The following RARS2 variants were observed in gnomAD, a reference collection of about 807,000 sequenced individuals.
RARS2 encodes arginyl-tRNA synthetase 2, mitochondrial.
In RARS2, 67 loss-of-function variants were observed where a neutral mutation model predicts 88.5. The observed-to-expected ratio is 0.76, with a 90% confidence interval of 0.62 to 0.93. RARS2 has a LOEUF of 0.93. Ranked by LOEUF, RARS2 falls within the 40% of genes least tolerant of loss-of-function variation. RARS2 has a pLI of 0.00. For missense variants in RARS2, 664 were observed against 684.2 expected (o/e 0.97, Z 0.33); for synonymous variants, 239 against 230.3 (o/e 1.04, Z -0.34).
At chr6:87,518,048 T>C (rs1312387166) in intron 17 of RARS2, 121 bp downstream of exon 17, 1 of 1,586,442 alleles carries the variant, frequency 6.3e-7, no homozygotes, top group Non-Finnish European at 8.6e-7. Flanking sequence ...AGGCATACCT[T>C]TGGGAAAAGT....
chr6:87,537,534 T>C (rs1262822946), intron 8 of RARS2, among the ~76,000 whole-genome samples: 1 of 152,136 alleles, frequency 6.6e-6, no homozygotes, highest in Non-Finnish European at 1.5e-5. Context: ...ATTCCACAAA[T>C]TATATATAAT....
chr6:87,529,603 G>A lies in RARS2; in HGVS notation c.817C>T (p.Arg273Cys), dbSNP rs777737159. Residue 273 changes from arginine (R) to cysteine (C), a missense_variant, in exon 10 of 20, where the codon CGT becomes TGT. Coordinates refer to ENST00000369536, the MANE Select transcript of RARS2 (RefSeq NM_020320.5). ...FDEYSGESFY[R>C]EKSQEVLKLL... ...TTTAAGACCTCTTGAGATTTTTCAC[G>A]ATAAAATGATTCTCCTGAATATTCA... The A allele has an allele frequency of 8.1e-6, 13 of 1,609,664 alleles. No individual in the cohort carries two copies. Among genetic ancestry groups the A allele is most frequent in the East Asian group, 2.2e-5 (1 of 44,844 alleles).
chr6:87,532,835 C>G (rs910395575), intron 8 of RARS2, among the ~76,000 whole-genome samples: 1 of 152,090 alleles, frequency 6.6e-6, no homozygotes, highest in Non-Finnish European at 1.5e-5. Flanking sequence ...ACAACACATA[C>G]AATGTCAGTT....
chr6:87,523,058 A>C (rs1377524154), intron 11 of RARS2, among the ~76,000 whole-genome samples: 2 of 152,238 alleles, frequency 1.3e-5, no homozygotes, highest in East Asian at 3.8e-4. Context: ...TATAATTTTT[A>C]AAATGTTGAG....
intron 10 of RARS2, among the ~76,000 whole-genome samples, chr6:87,527,995 G>A (rs967671249): frequency 6.7e-6 from 1 of 149,946 alleles, no homozygotes; most frequent in African/African-American, 2.5e-5. Flanking sequence ...GCCAGGTGCA[G>A]CAAATCACCA....
Position 87,521,395 on chromosome 6 carries a change from G to A in RARS2, c.1035+69C>T. The A allele has an allele frequency of 3.3e-6, 4 of 1,196,644 alleles. 1 individual carries two copies. In the South Asian group the frequency reaches 3.8e-5, roughly 11 times the overall value. 74.1% of individuals were successfully genotyped at this position (1,196,644 alleles called of 1,614,324 possible). A position where few individuals can be genotyped will look rare whatever the true frequency, so the allele number is the denominator to read the frequency against. ...GTAGTTTTCCATAGTTTTTCAACAT[G>A]GCATCCAATTTCTACCTCTGTAGTT... On this transcript the variant is annotated intron_variant, in intron 12 of 19. Transcript: ENST00000369536.
chr6:87,550,473 T>C (rs1007019960), intron 5 of RARS2, among the ~76,000 whole-genome samples: 3 of 151,534 alleles, frequency 2.0e-5, no homozygotes, highest in South Asian at 4.1e-4. Flanking sequence ...CTAGAAAAAG[T>C]AGAGCAAACT....
Position 87,562,804 on chromosome 6 carries a change from A to G in RARS2, c.214-19T>C, listed in dbSNP as rs1439031059. The G allele has an allele frequency of 6.3e-7, 1 of 1,585,104 alleles. No homozygotes were observed. The highest frequency in any genetic ancestry group is 1.3e-5 in the African/African-American group (1 of 74,282). On this transcript the variant is annotated intron_variant, in intron 3 of 19. Transcript: ENST00000369536. ...ATCTTAGCTGAAAAGAACAAATCACACAAAGTAGGTATGTTATATAATAGG... is the reference window on the plus strand; with the variant it reads ...ATCTTAGCTGAAAAGAACAAATCACGCAAAGTAGGTATGTTATATAATAGG...
chr6:87,570,715 C>T (rs776840924), intron 1 of RARS2, among the ~76,000 whole-genome samples: 4 of 152,124 alleles, frequency 2.6e-5, no homozygotes, highest in Non-Finnish European at 5.9e-5. Flanking sequence ...CCACCATGCC[C>T]AGCCAGATTT....
intron 1 of RARS2, among the ~76,000 whole-genome samples, chr6:87,577,647 C>A (rs966207800): frequency 3.3e-5 from 5 of 152,192 alleles, no homozygotes; most frequent in African/African-American, 1.2e-4. Context: ...TCTGGTTCAA[C>A]ATAAAATGAA....
chr6:87,554,738 C>T (rs1267393918), intron 5 of RARS2, among the ~76,000 whole-genome samples: 1 of 152,154 alleles, frequency 6.6e-6, no homozygotes, highest in Admixed American at 6.5e-5. Flanking sequence ...CAGGCTGAGC[C>T]ACCATGTCTG....
chr6:87,578,412 A>C (rs1772296323), intron 1 of RARS2, among the ~76,000 whole-genome samples: 1 of 152,170 alleles, frequency 6.6e-6, no homozygotes, highest in Admixed American at 6.5e-5. Flanking sequence ...TAGTTTAAAA[A>C]ATTCTTTGCA....
rs747967497 is a variant in RARS2 at position 87,514,510 on chromosome 6, A to C, written c.1651-11T>G. 1 of 1,590,836 alleles carries C rather than the reference A, an allele frequency of 6.3e-7. No individual in the cohort carries two copies. Among genetic ancestry groups the C allele is most frequent in the South Asian group, 1.1e-5 (1 of 90,574 alleles). ...AAGATGAAGTCTGGCCTACAAAATA[A>C]ATCAAAGAATGATTTAAAATATTCA... On this transcript the variant is annotated splice_polypyrimidine_tract_variant and intron_variant, in intron 19 of 19. Coordinates refer to ENST00000369536, the MANE Select transcript of RARS2 (RefSeq NM_020320.5).
chr6:87,536,799 G>A (rs1021567664), intron 8 of RARS2, among the ~76,000 whole-genome samples: 2 of 151,988 alleles, frequency 1.3e-5, no homozygotes, highest in Non-Finnish European at 2.9e-5. Context: ...AATTCACAAG[G>A]GAAGAGGAAC....
At chr6:87,551,626 C>CAAAAAA (rs71018036) in intron 5 of RARS2, among the ~76,000 whole-genome samples, 3,261 of 64,990 alleles carry the variant, frequency 0.05, 489 homozygotes, top group Admixed American at 0.1. Flanking sequence ...TCCGTCTCAA[C>CAAAAAA]AAAAAAAAAA....
intron 5 of RARS2, among the ~76,000 whole-genome samples, chr6:87,549,328 T>C (rs576641386): frequency 6.6e-6 from 1 of 151,636 alleles, no homozygotes; most frequent in East Asian, 1.9e-4. Flanking sequence ...TGTACTCTAG[T>C]CTGGGTGATG....
At chr6:87,531,183 C>G (rs908666215) in intron 8 of RARS2, among the ~76,000 whole-genome samples, 3 of 152,084 alleles carry the variant, frequency 2.0e-5, no homozygotes, top group Admixed American at 1.3e-4. Flanking sequence ...AAAAGAATTA[C>G]TCTGAAATAA....
intron 1 of RARS2, among the ~76,000 whole-genome samples, chr6:87,581,896 T>C (rs1309449351): frequency 6.6e-6 from 1 of 152,186 alleles, no homozygotes; most frequent in Non-Finnish European, 1.5e-5. Flanking sequence ...AATAATGGTT[T>C]CTGGCTCCAT....
chr6:87,548,738 G>C, intron 5 of RARS2, 92 bp from the exon 6 acceptor site: 1 of 1,185,494 alleles, frequency 8.4e-7, no homozygotes, highest in South Asian at 1.3e-5. Context: ...ACAAAACTGT[G>C]GAGTATGGCC....
Sources: allele counts gnomAD v4.1 joint callset (sites outside exome capture counted in the v4.1 genomes callset), GRCh38; gene constraint gnomAD v4.1.1; transcripts MANE v1.5; gene names NCBI Gene and HGNC (gene_info 2026-07-23, HGNC 2026-07-21).